MEPCE: variants seen among roughly 807,000 people sequenced by gnomAD.
MEPCE encodes the protein methylphosphate capping enzyme, also known as 7SK snRNA methylphosphate capping enzyme.
In MEPCE, 9 loss-of-function variants were observed where a neutral mutation model predicts 52.3. The ratio of observed to expected loss-of-function variants is 0.17; its 90% CI spans 0.10 to 0.30. The LOEUF is 0.30. Among genes scored for constraint, MEPCE ranks in the 10% least tolerant of loss-of-function variants. The probability of loss-of-function intolerance (pLI) is 1.00; values close to 1 mark genes in which losing one functional copy is unlikely to be tolerated. For missense variants in MEPCE, 826 were observed against 933.0 expected (o/e 0.89, Z 1.49); for synonymous variants, 477 against 401.6 (o/e 1.19, Z -2.25).
chr7:100,428,816 C>A (rs567760407), upstream of MEPCE: 2 of 152,222 alleles, frequency 1.3e-5, no homozygotes, highest in Admixed American at 6.6e-5. Context: ...ACTGACGGGC[C>A]AGTGAGCGGG....
At position 100,433,807 on chromosome 7, in the gene MEPCE, G is replaced by A; in HGVS notation, c.*253G>A. 1.8e-6 allele frequency: 1 copy of A among 562,640 alleles called. No homozygotes were observed. Among genetic ancestry groups the A allele is most frequent in the Non-Finnish European group, 3.2e-6 (1 of 317,130 alleles). The allele number at this position is 562,640 out of a possible 1,614,324, so 34.9% of individuals were successfully genotyped here. A position where few individuals can be genotyped will look rare whatever the true frequency, so the allele number is the denominator to read the frequency against. ...CCCAGCCTCCCAGGCTGGATGGCAT[G>A]GACTGTTTGCTGACCTCTGTTCTCT... is the stretch of plus-strand genomic sequence containing the variant. On this transcript the variant is annotated 3_prime_UTR_variant, in exon 4 of 4. Coordinates refer to ENST00000310512, the MANE Select transcript of MEPCE (RefSeq NM_019606.6).
Position 100,433,268 on chromosome 7 carries a change from G to T in MEPCE, c.1896G>T (p.Thr632=). ...SYGKRKTLTE[T]IYKNYYRIQL... is the part of the protein sequence containing the mutation. ...TCCCTTGCCTCTCTCCTTAGGAAAC[G>T]ATCTACAAGAACTACTACCGAATCC... Residue 632 remains threonine, a synonymous_variant, in exon 3 of 4, where the codon ACG becomes ACT. Transcript: ENST00000310512. 1.9e-6 allele frequency: 3 copies of T among 1,614,150 alleles called. No homozygotes were observed. The highest frequency in any genetic ancestry group is 2.5e-6 in the Non-Finnish European group (3 of 1,180,036).
chr7:100,433,890 A>C lies in MEPCE; in HGVS notation c.*336A>C. 2 of 248,596 alleles carry C rather than the reference A, an allele frequency of 8.0e-6. No homozygotes were observed. Among genetic ancestry groups the C allele is most frequent in the Non-Finnish European group, 1.6e-5 (2 of 127,584 alleles). The allele number at this position is 248,596 out of a possible 1,614,324, so 15.4% of individuals were successfully genotyped here. On this transcript the variant is annotated 3_prime_UTR_variant, in exon 4 of 4. Coordinates refer to ENST00000310512, the MANE Select transcript of MEPCE (RefSeq NM_019606.6). ...TCTAGCCCTTTCCTCCTATTCTCCC[A>C]AGGAGAGAGATTCCCATTTCTCCTC...
In MEPCE at chr7:100,431,292, G is replaced by T. The variant is rs770364937; in HGVS notation, c.1274G>T (p.Arg425Leu). 1.2e-6 allele frequency: 2 copies of T among 1,614,128 alleles called. No homozygotes were observed. Among genetic ancestry groups the T allele is most frequent in the South Asian group, 1.1e-5 (1 of 91,088 alleles). ...AATTATTGCAAATACTATGGGTACC[G>T]CAATCCTTCCTGTGAGGATGGGCGC... ...YGNYCKYYGYRNPSCEDGRLR... is the reference protein window; with the variant it reads ...YGNYCKYYGYLNPSCEDGRLR... The change falls in exon 1 of 4, where the codon CGC becomes CTC. Residue 425 changes from arginine (R) to leucine (L), a missense_variant. By Grantham distance (102) the Arg-to-Leu change is moderately radical. This residue lies in a region of MEPCE where 307 missense variants were observed against 292.1 expected (regional missense o/e 1.05). Transcript: ENST00000310512.
At position 100,433,536 on chromosome 7, in the gene MEPCE, C is replaced by T. The variant is rs915668755; in HGVS notation, c.2052C>T (p.Ala684=). 3 of 1,613,326 alleles carry T rather than the reference C, an allele frequency of 1.9e-6. No individual in the cohort carries two copies. The highest frequency in any genetic ancestry group is 2.5e-6 in the Non-Finnish European group (3 of 1,180,014). ...GTCCTGTGTACCTGTTCCACAAGGC[C>T]CGATCCCCCAGCCACTAAGTGGCCC... ...FQRPVYLFHK[A]RSPSH The change falls in exon 4 of 4, where the codon GCC becomes GCT. Residue 684 remains alanine (A), a synonymous_variant. Transcript: ENST00000310512.
Position 100,430,535 on chromosome 7 carries a change from G to C in MEPCE, c.517G>C (p.Val173Leu). Residue 173 changes from valine (V) to leucine (L), a missense_variant, in exon 1 of 4, where the codon GTG (valine) becomes CTG (leucine). By Grantham distance (32) the Val-to-Leu change is conservative. Transcript: ENST00000310512. ...TCCGGCCTTCAAGAGGCGCAGGCGG[G>C]TGAATTCGGACTGTGACTCTGTGTT... ...KHPAFKRRRR[V>L]NSDCDSVLPS... The C allele has an allele frequency of 6.3e-7, 1 of 1,586,036 alleles. No homozygotes were observed. Among genetic ancestry groups the C allele is most frequent in the Non-Finnish European group, 8.6e-7 (1 of 1,165,500 alleles).
chr7:100,431,092 C>T lies in MEPCE; in HGVS notation c.1074C>T (p.Ser358=). Residue 358 remains serine (S), a synonymous_variant, in exon 1 of 4, where the codon TCC becomes TCT. Coordinates refer to ENST00000310512, the MANE Select transcript of MEPCE (RefSeq NM_019606.6). ...CAGTTATCTCTGCACCCCCATCTTC[C>T]TCCTCCCGACATCGCAAACGTCGCA... is the stretch of plus-strand genomic sequence containing the variant. ...AASVISAPPS[S]SSRHRKRRRT... 1 of 1,613,754 alleles carries T rather than the reference C, an allele frequency of 6.2e-7. No homozygotes were observed. The highest frequency in any genetic ancestry group is 1.1e-5 in the South Asian group (1 of 91,088).
In MEPCE at chr7:100,431,566, C is replaced by G. The variant is rs541899616; in HGVS notation, c.1548C>G (p.Thr516=). The G allele has an allele frequency of 6.2e-7, 1 of 1,612,498 alleles. No individual in the cohort carries two copies. Among genetic ancestry groups the G allele is most frequent in the Admixed American group, 1.7e-5 (1 of 60,032 alleles). The change falls in exon 1 of 4, where the codon ACC becomes ACG. Residue 516 remains threonine (T), a synonymous_variant. Coordinates refer to ENST00000310512, the MANE Select transcript of MEPCE (RefSeq NM_019606.6). Reference sequence around the variant, plus strand: ...CAGAGGGTGAGGAAGGGACCACCACCGTTCGAAAGAGGAGCTGCTTCCCAG... The same window carrying G: ...CAGAGGGTGAGGAAGGGACCACCACGGTTCGAAAGAGGAGCTGCTTCCCAG... ...PGAEGEEGTT[T]VRKRSCFPAS...
rs1798762958 is a variant in MEPCE at position 100,432,913 on chromosome 7, C to T, written c.1672-6C>T. The stretch of plus-strand genomic sequence containing the variant: ...AGTTGACCTCACTGCCGATTCTTGC[C>T]CTCAGGGTAATTATGTGCTGGATCG... On this transcript the variant is annotated splice_polypyrimidine_tract_variant and splice_region_variant and intron_variant, in intron 1 of 3. Coordinates refer to ENST00000310512, the MANE Select transcript of MEPCE (RefSeq NM_019606.6). 6.2e-6 allele frequency: 10 copies of T among 1,613,548 alleles called. No homozygotes were observed. Among genetic ancestry groups the T allele is most frequent in the African/African-American group, 2.7e-5 (2 of 75,036 alleles).
rs1798532180 is a variant in MEPCE, at chr7:100,429,932, G to C, written c.-87G>C. 2 of 1,064,828 alleles carry C rather than the reference G, an allele frequency of 1.9e-6. No individual in the cohort carries two copies. The highest frequency in any genetic ancestry group is 3.2e-5 in the East Asian group (1 of 30,926). 66.0% of individuals were successfully genotyped at this position (1,064,828 alleles called of 1,614,324 possible). On this transcript the variant is annotated 5_prime_UTR_variant, in exon 1 of 4. Coordinates refer to ENST00000310512, the MANE Select transcript of MEPCE (RefSeq NM_019606.6). ...CAGAGCTGCGCGCGCACTCGGGAAA[G>C]GGGGGAAGGGAGCAGGGTCCAGGCA... is the stretch of plus-strand genomic sequence containing the variant.
Position 100,431,531 on chromosome 7 carries a change from G to A in MEPCE, c.1513G>A (p.Asp505Asn). 6.2e-7 allele frequency: 1 copy of A among 1,613,138 alleles called. No homozygotes were observed. Among genetic ancestry groups the A allele is most frequent in the Non-Finnish European group, 8.5e-7 (1 of 1,180,024 alleles). ...LRLPPQTLEG[D>N]PGAEGEEGTT... is the part of the protein sequence containing the mutation. ...TCTCCCACCCCAGACTTTGGAAGGG[G>A]ACCCGGGGGCAGAGGGTGAGGAAGG... The change falls in exon 1 of 4, where the codon GAC (aspartate) becomes AAC (asparagine). Residue 505 changes from aspartate to asparagine, a missense_variant. Physicochemically the swap from Asp to Asn is conservative, Grantham distance 23. This residue lies in a region of MEPCE where 107 missense variants were observed against 157.9 expected (regional missense o/e 0.68). Coordinates refer to ENST00000310512, the MANE Select transcript of MEPCE (RefSeq NM_019606.6).
Position 100,433,659 on chromosome 7 carries a change from A to C in MEPCE, c.*105A>C. On this transcript the variant is annotated 3_prime_UTR_variant, in exon 4 of 4. Coordinates refer to ENST00000310512, the MANE Select transcript of MEPCE (RefSeq NM_019606.6). Reference sequence around the variant, plus strand: ...GTCTTTCCTTTCTGACTCCAAAAATAGTTTCCTTTCTTGGATCTGCAAAGA... The same window carrying C: ...GTCTTTCCTTTCTGACTCCAAAAATCGTTTCCTTTCTTGGATCTGCAAAGA... 8.3e-7 allele frequency: 1 copy of C among 1,197,630 alleles called. No homozygotes were observed. Among genetic ancestry groups the C allele is most frequent in the Non-Finnish European group, 1.2e-6 (1 of 833,332 alleles). The allele number at this position is 1,197,630 out of a possible 1,614,324, so 74.2% of individuals were successfully genotyped here.
In MEPCE at chr7:100,430,451, G is replaced by C; in HGVS notation, c.433G>C (p.Gly145Arg). 1.3e-6 allele frequency: 2 copies of C among 1,557,200 alleles called. No homozygotes were observed. The stretch of plus-strand genomic sequence containing the variant: ...TCAGCCCCACCGGCCACCTGGGGGG[G>C]GCGGGGGCAAGAGGAGAAATAGCTG... The part of the protein sequence containing the change: ...GYQPHRPPGG[G>R]GGKRRNSCNV... The change falls in exon 1 of 4, where the codon GGC (glycine) becomes CGC (arginine). Residue 145 changes from glycine (G) to arginine (R), a missense_variant. Physicochemically the swap from Gly to Arg is moderately radical, Grantham distance 125 (BLOSUM62 -2). Coordinates refer to ENST00000310512, the MANE Select transcript of MEPCE (RefSeq NM_019606.6).
upstream of MEPCE, chr7:100,429,682 C>G: frequency 3.9e-6 from 1 of 254,714 alleles, no homozygotes; most frequent in Non-Finnish European, 7.5e-6. Context: ...GCGCGCGCAA[C>G]CAGGGTGGTG....
rs1336018162 is a variant in MEPCE at position 100,430,420 on chromosome 7, T to C, written c.402T>C (p.Asn134=). The C allele has an allele frequency of 6.4e-7, 1 of 1,551,338 alleles. No homozygotes were observed. The highest frequency in any genetic ancestry group is 8.7e-7 in the Non-Finnish European group (1 of 1,151,668). ...CCCCTGCTCCTCCTCGACCCCGCAA[T>C]GGCTATCAGCCCCACCGGCCACCTG... is the stretch of plus-strand genomic sequence containing the variant. ...LGPPAPPRPR[N]GYQPHRPPGG... The change falls in exon 1 of 4, where the codon AAT becomes AAC. Residue 134 remains asparagine (N), a synonymous_variant. Coordinates refer to ENST00000310512, the MANE Select transcript of MEPCE (RefSeq NM_019606.6).
At position 100,433,676 on chromosome 7, in the gene MEPCE, C is replaced by T; in HGVS notation, c.*122C>T. On this transcript the variant is annotated 3_prime_UTR_variant, in exon 4 of 4. Coordinates refer to ENST00000310512, the MANE Select transcript of MEPCE (RefSeq NM_019606.6). ...CCAAAAATAGTTTCCTTTCTTGGATCTGCAAAGAAAGCTTTTCTTCCGTCG... is the reference window on the plus strand; with the variant it reads ...CCAAAAATAGTTTCCTTTCTTGGATTTGCAAAGAAAGCTTTTCTTCCGTCG... The T allele has an allele frequency of 2.9e-6, 3 of 1,040,748 alleles. No individual in the cohort carries two copies. The highest frequency in any genetic ancestry group is 3.0e-5 in the South Asian group (2 of 67,556). 64.5% of individuals were successfully genotyped at this position (1,040,748 alleles called of 1,614,324 possible). A position where few individuals can be genotyped will look rare whatever the true frequency, so the allele number is the denominator to read the frequency against.
intron 2 of MEPCE, 53 bp from the exon 3 acceptor site, chr7:100,433,210 T>G: frequency 6.2e-7 from 1 of 1,613,714 alleles, no homozygotes; most frequent in East Asian, 2.2e-5. Context: ...GGCATCGCCC[T>G]TGGCCAGGGG....
chr7:100,430,241 ACCT>A lies in MEPCE; in HGVS notation c.229_231del (p.Ser78del), dbSNP rs2130998887. Reference sequence around the variant, plus strand: ...TCGGGAAAGCCCCGGGGCCGCGGCCACCTCCTCCAGTGGTCCCCAGGCGCAGCA... The same window carrying A: ...TCGGGAAAGCCCCGGGGCCGCGGCCACCTCCAGTGGTCCCCAGGCGCAGCA... On this transcript the variant is annotated inframe_deletion, in exon 1 of 4. Coordinates refer to ENST00000310512, the MANE Select transcript of MEPCE (RefSeq NM_019606.6). 1 of 1,336,590 alleles carries A rather than the reference ACCT, an allele frequency of 7.5e-7. No homozygotes were observed. Among genetic ancestry groups the A allele is most frequent in the Non-Finnish European group, 9.5e-7 (1 of 1,048,536 alleles). The allele number at this position is 1,336,590 out of a possible 1,614,324, so 82.8% of individuals were successfully genotyped here.
rs757866506 is a variant in MEPCE, at chr7:100,431,567, G to A, written c.1549G>A (p.Val517Ile). Residue 517 changes from valine to isoleucine, a missense_variant, in exon 1 of 4, where the codon GTT becomes ATT. Val to Ile is a conservative substitution (Grantham distance 29). Coordinates refer to ENST00000310512, the MANE Select transcript of MEPCE (RefSeq NM_019606.6). Reference sequence around the variant, plus strand: ...AGAGGGTGAGGAAGGGACCACCACCGTTCGAAAGAGGAGCTGCTTCCCAGC... The same window carrying A: ...AGAGGGTGAGGAAGGGACCACCACCATTCGAAAGAGGAGCTGCTTCCCAGC... ...GAEGEEGTTT[V>I]RKRSCFPASL... is the part of the protein sequence containing the mutation. The A allele has an allele frequency of 1.9e-5, 30 of 1,612,262 alleles. No individual in the cohort carries two copies. In the South Asian group the frequency reaches 2.0e-4, roughly 11 times the overall value.
Sources: allele counts gnomAD v4.1 joint callset, GRCh38; gene constraint gnomAD v4.1.1; regional missense constraint gnomAD v4.1.1; transcripts MANE v1.5; gene names NCBI Gene and HGNC (gene_info 2026-07-23, HGNC 2026-07-21).